LRPPRC: variants seen among roughly 807,000 people sequenced by gnomAD.
LRPPRC encodes the protein leucine-rich PPR motif-containing protein, mitochondrial.
LRPPRC carries 120 observed loss-of-function variants against 180.3 expected under a neutral mutation model. The ratio of observed to expected loss-of-function variants is 0.67; its 90% CI spans 0.57 to 0.77. The LOEUF is 0.77. Ranked by LOEUF, LRPPRC falls within the 30% of genes least tolerant of loss-of-function variation. The probability of loss-of-function intolerance (pLI) is 0.00; values close to 1 mark genes in which losing one functional copy is unlikely to be tolerated. For synonymous variants in LRPPRC, 723 were observed against 600.0 expected (o/e 1.21, Z -3.00); for missense variants, 2,012 against 1,657.2 (o/e 1.21, Z -3.72).
chr2:43,891,289 C>T (rs12473732), intron 36 of LRPPRC, among the ~76,000 whole-genome samples: 94,550 of 152,144 alleles, frequency 0.62, 31,282 homozygotes, highest in East Asian at 0.94. Context: ...TAGTAACACA[C>T]ACAGATTTAT....
At position 43,912,451 on chromosome 2, in the gene LRPPRC, CTT is replaced by C. The variant is rs755973480; in HGVS notation, c.3254_3255del (p.Gln1085ArgfsTer31). 2 of 1,609,338 alleles carry C rather than the reference CTT, an allele frequency of 1.2e-6. No individual in the cohort carries two copies. Among genetic ancestry groups the C allele is most frequent in the Non-Finnish European group, 1.7e-6 (2 of 1,175,990 alleles). ...KLLMSEDYFT[Q>X]AMEVKAFAET... ...ACTTACAATGCTTTCACTTCCATTGCTTGTGTAAAATAATCTTCTGACATCAG... is the reference window on the plus strand; with the variant it reads ...ACTTACAATGCTTTCACTTCCATTGCGTGTAAAATAATCTTCTGACATCAG... On this transcript the variant is annotated frameshift_variant, in exon 30 of 38. Coordinates refer to ENST00000260665, the MANE Select transcript of LRPPRC (RefSeq NM_133259.4). LOFTEE classifies it high-confidence loss of function.
chr2:43,979,620 G>T (rs1028105573), intron 3 of LRPPRC, among the ~76,000 whole-genome samples: 1 of 152,024 alleles, frequency 6.6e-6, no homozygotes, highest in Admixed American at 6.5e-5. Flanking sequence ...TACCGTACTT[G>T]TAAGTAATAC....
chr2:43,968,964 G>C (rs1199965183), intron 11 of LRPPRC, among the ~76,000 whole-genome samples: 1 of 152,140 alleles, frequency 6.6e-6, no homozygotes, highest in African/African-American at 2.4e-5. Flanking sequence ...TGGTAATCAG[G>C]ACACAATGTA....
chr2:43,934,135 T>C, intron 25 of LRPPRC, 55 bp downstream of exon 25: 1 of 986,182 alleles, frequency 1.0e-6, no homozygotes, highest in Non-Finnish European at 1.6e-6. Flanking sequence ...TTAAATGTAT[T>C]CTAATTAAGA....
At chr2:43,946,701 T>A (rs571831978) in intron 20 of LRPPRC, among the ~76,000 whole-genome samples, 1 of 152,150 alleles carries the variant, frequency 6.6e-6, no homozygotes, top group African/African-American at 2.4e-5. Flanking sequence ...AGTCATGATA[T>A]TTTTTCCCTA....
intron 26 of LRPPRC, 25 bp from the exon 27 acceptor site, chr2:43,925,182 A>C (rs1419215243): frequency 9.1e-7 from 1 of 1,103,720 alleles, no homozygotes. Flanking sequence ...TAAGAGATAG[A>C]TCTACCTTGT....
At chr2:43,924,591 T>C (rs1671810968) in intron 27 of LRPPRC, among the ~76,000 whole-genome samples, 1 of 152,162 alleles carries the variant, frequency 6.6e-6, no homozygotes, top group Non-Finnish European at 1.5e-5. Context: ...GTTTGTAATA[T>C]ATAGCTGACT....
intron 11 of LRPPRC, among the ~76,000 whole-genome samples, chr2:43,967,312 T>A (rs1391979201): frequency 3.3e-5 from 5 of 152,148 alleles, no homozygotes; most frequent in Non-Finnish European, 5.9e-5. Flanking sequence ...TGGGAAAATC[T>A]CAAGCCTGGG....
At chr2:43,969,544 G>C (rs539363657) in intron 11 of LRPPRC, among the ~76,000 whole-genome samples, 50 of 152,200 alleles carry the variant, frequency 3.3e-4, no homozygotes, top group African/African-American at 1.2e-3. Flanking sequence ...CCACCAAAAA[G>C]GATGATTTTC....
At chr2:43,911,523 C>CTTTTTTTTTT (rs531172761) in intron 30 of LRPPRC, among the ~76,000 whole-genome samples, 5 of 92,372 alleles carry the variant, frequency 5.4e-5, no homozygotes, top group Admixed American at 1.4e-4. Context: ...TCTTCTTCTT[C>CTTTTTTTTTT]TTTTTTTTTT....
intron 30 of LRPPRC, among the ~76,000 whole-genome samples, chr2:43,911,285 C>A (rs1221764071): frequency 4.6e-5 from 7 of 151,974 alleles, no homozygotes; most frequent in African/African-American, 1.4e-4. Flanking sequence ...CAAGACAACA[C>A]ACATATACAC....
At chr2:43,896,977 A>G (rs1670709740) in intron 34 of LRPPRC, among the ~76,000 whole-genome samples, 1 of 152,210 alleles carries the variant, frequency 6.6e-6, no homozygotes, top group South Asian at 2.1e-4. Flanking sequence ...TTCAACAACC[A>G]CAGAATAAGG....
chr2:43,903,452 A>C (rs1670958230), intron 31 of LRPPRC: 1 of 152,138 alleles, frequency 6.6e-6, no homozygotes, highest in Non-Finnish European at 1.5e-5. Context: ...ATTTTTAAAA[A>C]TCAAGAGCTC....
chr2:43,908,430 A>G (rs1337441641), intron 30 of LRPPRC, among the ~76,000 whole-genome samples: 1 of 152,246 alleles, frequency 6.6e-6, no homozygotes, highest in Non-Finnish European at 1.5e-5. Flanking sequence ...GACTTTGTAA[A>G]TAAAATTGAA....
chr2:43,916,596 T>C (rs1172859186), intron 29 of LRPPRC, among the ~76,000 whole-genome samples: 1 of 152,208 alleles, frequency 6.6e-6, no homozygotes, highest in East Asian at 1.9e-4. Context: ...AAAATACTTT[T>C]AATAAAAATG....
intron 9 of LRPPRC, 102 bp from the exon 10 acceptor site, chr2:43,974,002 G>T: frequency 9.0e-7 from 1 of 1,107,422 alleles, no homozygotes; most frequent in Non-Finnish European, 1.4e-6. Flanking sequence ...TTTAAACCCC[G>T]CATCCTCTTT....
chr2:43,968,858 A>G (rs1673674222), intron 11 of LRPPRC, among the ~76,000 whole-genome samples: 1 of 152,218 alleles, frequency 6.6e-6, no homozygotes, highest in Admixed American at 6.5e-5. Context: ...AAAAGAACAG[A>G]TTCTAAGTGT....
At chr2:43,914,151 A>G (rs17578464) in intron 29 of LRPPRC, among the ~76,000 whole-genome samples, 1,733 of 152,276 alleles carry the variant, frequency 0.011, 85 homozygotes, top group Admixed American at 0.084. Flanking sequence ...AATCGTATAT[A>G]GTATTTCACT....
chr2:43,929,073 A>AT (rs1188347728), intron 25 of LRPPRC, among the ~76,000 whole-genome samples: 4 of 152,212 alleles, frequency 2.6e-5, no homozygotes, highest in African/African-American at 9.6e-5. Context: ...ACAGTACTGC[A>AT]TTTTTTGATA....
Sources: allele counts gnomAD v4.1 joint callset (sites outside exome capture counted in the v4.1 genomes callset), GRCh38; gene constraint gnomAD v4.1.1; transcripts MANE v1.5; gene names NCBI Gene and HGNC (gene_info 2026-07-23, HGNC 2026-07-21).